The following GHR variants were observed in gnomAD, a reference collection of about 807,000 sequenced individuals.
GHR encodes GH receptor.
GHR carries 35 observed loss-of-function variants against 67.1 expected under a neutral mutation model. That is an observed-to-expected ratio of 0.52 (90% CI 0.40 to 0.69). The LOEUF is 0.69. Ranked by LOEUF, GHR falls within the 30% of genes least tolerant of loss-of-function variation. The probability of loss-of-function intolerance (pLI) is 0.00; values close to 1 mark genes in which losing one functional copy is unlikely to be tolerated. For missense variants in GHR, 792 were observed against 764.6 expected, an observed-to-expected ratio of 1.04 and a Z score of -0.42; for synonymous variants, 272 against 269.1, an observed-to-expected ratio of 1.01 and a Z score of -0.10.
At chr5:42,622,734 T>G (rs1388377698) in intron 2 of GHR, among the ~76,000 whole-genome samples, 1 of 152,202 alleles carries the variant, frequency 6.6e-6, no homozygotes, top group African/African-American at 2.4e-5. Flanking sequence ...ACTGGTGAAT[T>G]ATGATTCTTG....
chr5:42,655,384 G>A (rs1414732515), intron 3 of GHR, among the ~76,000 whole-genome samples: 1 of 152,164 alleles, frequency 6.6e-6, no homozygotes, highest in Non-Finnish European at 1.5e-5. Flanking sequence ...TACCTAATTA[G>A]ATAAACCTGA....
intron 3 of GHR, among the ~76,000 whole-genome samples, chr5:42,687,226 T>C (rs1452486652): frequency 6.6e-6 from 1 of 152,124 alleles, no homozygotes; most frequent in East Asian, 1.9e-4. Context: ...ATCAATATCA[T>C]GAAAATGGCC....
intron 2 of GHR, among the ~76,000 whole-genome samples, chr5:42,597,781 C>T (rs1044663138): frequency 2.6e-5 from 4 of 152,136 alleles, no homozygotes; most frequent in Non-Finnish European, 5.9e-5. Flanking sequence ...GAAATGACTG[C>T]CAGCTCTCTC....
At chr5:42,616,695 A>G (rs1394039039) in intron 2 of GHR, among the ~76,000 whole-genome samples, 1 of 150,428 alleles carries the variant, frequency 6.6e-6, no homozygotes, top group Non-Finnish European at 1.5e-5. Flanking sequence ...AAAAAAAGCT[A>G]GAATATTGGA....
intron 1 of GHR, among the ~76,000 whole-genome samples, chr5:42,441,082 G>A (rs1743545689): frequency 6.6e-6 from 1 of 152,174 alleles, no homozygotes; most frequent in Admixed American, 6.5e-5. Context: ...CACTATTAAA[G>A]CCACTGAGGT....
chr5:42,706,510 T>C (rs1758182282), intron 6 of GHR, among the ~76,000 whole-genome samples: 1 of 152,150 alleles, frequency 6.6e-6, no homozygotes, highest in African/African-American at 2.4e-5. Flanking sequence ...TTCTAGGGTT[T>C]TTATAGTTTG....
intron 1 of GHR, among the ~76,000 whole-genome samples, chr5:42,460,968 G>A (rs1030685633): frequency 1.3e-5 from 2 of 152,168 alleles, no homozygotes; most frequent in African/African-American, 2.4e-5. Context: ...GTATCTTAGA[G>A]TCCTTAGCTG....
intron 1 of GHR, among the ~76,000 whole-genome samples, chr5:42,449,252 T>C (rs577518863): frequency 2.0e-5 from 3 of 152,374 alleles, no homozygotes; most frequent in Admixed American, 1.3e-4. Context: ...ATATTGATTC[T>C]ACCCATCCAC....
chr5:42,650,362 G>C (rs907219589), intron 3 of GHR, among the ~76,000 whole-genome samples: 2 of 151,972 alleles, frequency 1.3e-5, no homozygotes, highest in South Asian at 2.1e-4. Flanking sequence ...ACCAGTTCTA[G>C]ATAAAGAATT....
intron 1 of GHR, among the ~76,000 whole-genome samples, chr5:42,455,299 T>C (rs1744215119): frequency 6.6e-6 from 1 of 152,162 alleles, no homozygotes; most frequent in Non-Finnish European, 1.5e-5. Context: ...ATTCTTTCCA[T>C]TTTCCTGATA....
intron 3 of GHR, among the ~76,000 whole-genome samples, chr5:42,655,598 T>C (rs1013827418): frequency 6.6e-6 from 1 of 152,176 alleles, no homozygotes; most frequent in Non-Finnish European, 1.5e-5. Context: ...GAACACATGA[T>C]ACATATGTTT....
chr5:42,551,612 G>T lies in GHR; in HGVS notation c.-11-14252G>T, dbSNP rs868463655. 3.5e-4 allele frequency among the ~76,000 whole-genome samples: 54 copies of T among 152,316 alleles called. No homozygotes were observed. In the Middle Eastern group the frequency reaches 0.01, roughly 29 times the overall value. ...TGGAGTAACCAACTGGGTGAACCCT[G>T]ATCTCATTAAGCAAAATAAGAAATA... On this transcript the variant is annotated intron_variant, in intron 1 of 9. Transcript: ENST00000230882.
chr5:42,703,636 T>C (rs960315282), intron 6 of GHR, among the ~76,000 whole-genome samples: 1 of 152,076 alleles, frequency 6.6e-6, no homozygotes, highest in Non-Finnish European at 1.5e-5. Flanking sequence ...TAGATTGCTT[T>C]AGGTAGCAGG....
At chr5:42,614,836 C>T (rs1208347609) in intron 2 of GHR, among the ~76,000 whole-genome samples, 1 of 151,720 alleles carries the variant, frequency 6.6e-6, no homozygotes, top group Admixed American at 6.6e-5. Context: ...AATTTTTCTT[C>T]CTAGGTTTGT....
chr5:42,665,058 C>T (rs1447413820), intron 3 of GHR, among the ~76,000 whole-genome samples: 1 of 152,210 alleles, frequency 6.6e-6, no homozygotes, highest in Non-Finnish European at 1.5e-5. Flanking sequence ...CCATCTCACA[C>T]CAGTTGTTAG....
At chr5:42,637,670 T>C (rs140348530) in intron 3 of GHR, among the ~76,000 whole-genome samples, 2 of 152,334 alleles carry the variant, frequency 1.3e-5, no homozygotes, top group East Asian at 3.9e-4. Flanking sequence ...TTTCATGGTA[T>C]ACGTGTACCA....
intron 1 of GHR, among the ~76,000 whole-genome samples, chr5:42,510,639 G>A (rs1317043064): frequency 6.6e-6 from 1 of 152,186 alleles, no homozygotes; most frequent in East Asian, 1.9e-4. Context: ...TAACAGGAAG[G>A]CAGGCAGCTC....
intron 4 of GHR, among the ~76,000 whole-genome samples, chr5:42,691,247 A>G (rs1223542673): frequency 2.0e-5 from 3 of 152,230 alleles, no homozygotes; most frequent in Non-Finnish European, 4.4e-5. Flanking sequence ...TTGGAATCCC[A>G]GGAGGGTAAG....
intron 3 of GHR, among the ~76,000 whole-genome samples, chr5:42,672,986 A>G (rs1428646898): frequency 2.0e-5 from 3 of 152,118 alleles, no homozygotes; most frequent in African/African-American, 7.2e-5. Context: ...AGCCTACAGA[A>G]TGGGTGAAAA....
Sources: gnomAD v4.1 joint callset for allele counts (sites outside exome capture counted in the v4.1 genomes callset) on GRCh38, gnomAD v4.1.1 for gene constraint, MANE v1.5 for transcripts, NCBI Gene and HGNC (gene_info 2026-07-23, HGNC 2026-07-21) for gene names.